The following TC2N variants were observed in gnomAD, a reference collection of about 807,000 sequenced individuals.
The protein encoded by TC2N is tandem C2 domains, nuclear.
TC2N carries 51 observed loss-of-function variants against 61.9 expected under a neutral mutation model. That is an observed-to-expected ratio of 0.82 (90% CI 0.66 to 1.04). The LOEUF is 1.04. Among genes scored for constraint, TC2N ranks in the 50% least tolerant of loss-of-function variants. TC2N has a pLI of 0.00. For synonymous variants in TC2N, 204 were observed against 192.6 expected (o/e 1.06, Z -0.49); for missense variants, 556 against 566.7 (o/e 0.98, Z 0.19).
chr14:91,794,367 GGAA>G (rs1885799214), intron 8 of TC2N, among the ~76,000 whole-genome samples: 1 of 152,198 alleles, frequency 6.6e-6, no homozygotes, highest in African/African-American at 2.4e-5. Flanking sequence ...GCCTTCTGTT[GGAA>G]GAAGATGCCA....
chr14:91,809,602 T>G (rs6575220), intron 3 of TC2N, among the ~76,000 whole-genome samples: 10,035 of 151,932 alleles, frequency 0.066, 996 homozygotes, highest in African/African-American at 0.21. Context: ...TGGCACAAAG[T>G]GAGTTATCTG....
intron 1 of TC2N, among the ~76,000 whole-genome samples, chr14:91,830,952 C>T (rs1887741995): frequency 6.6e-6 from 1 of 152,100 alleles, no homozygotes; most frequent in African/African-American, 2.4e-5. Flanking sequence ...CAGAATTAGC[C>T]TCTTAGCCTA....
At chr14:91,792,276 T>G in intron 9 of TC2N, 91 bp downstream of exon 9, 1 of 708,920 alleles carries the variant, frequency 1.4e-6, no homozygotes, top group Non-Finnish European at 2.2e-6. Flanking sequence ...TCCTCTAATA[T>G]TCTATTCAGG....
intron 3 of TC2N, among the ~76,000 whole-genome samples, chr14:91,808,122 C>CT (rs1886599782): frequency 6.6e-6 from 1 of 152,160 alleles, no homozygotes; most frequent in Non-Finnish European, 1.5e-5. Context: ...CATTAAACCT[C>CT]TTTTTCATCA....
At chr14:91,790,171 T>C (rs1885576894) in intron 9 of TC2N, among the ~76,000 whole-genome samples, 1 of 152,230 alleles carries the variant, frequency 6.6e-6, no homozygotes, top group Non-Finnish European at 1.5e-5. Context: ...CTGTAAATGC[T>C]AGCTATTTCT....
chr14:91,828,814 A>G (rs1887616737), intron 1 of TC2N, among the ~76,000 whole-genome samples: 1 of 151,892 alleles, frequency 6.6e-6, no homozygotes, highest in Non-Finnish European at 1.5e-5. Context: ...TTGACTTTTT[A>G]TTTTTAGTAA....
chr14:91,823,263 G>A (rs2139881640), intron 1 of TC2N, among the ~76,000 whole-genome samples: 1 of 152,058 alleles, frequency 6.6e-6, no homozygotes, highest in Non-Finnish European at 1.5e-5. Context: ...GCTCATGCCT[G>A]TAGTCCCAGC....
At chr14:91,860,332 A>C (rs1338747396) in intron 1 of TC2N, among the ~76,000 whole-genome samples, 1 of 64,406 alleles carries the variant, frequency 1.6e-5, no homozygotes, top group East Asian at 8.0e-4. Flanking sequence ...ATTTCCTTGC[A>C]AAAAAAAAAA....
intron 6 of TC2N, 38 bp from the exon 7 acceptor site, chr14:91,798,437 G>A (rs984127560): frequency 2.6e-5 from 29 of 1,118,524 alleles, no homozygotes; most frequent in Non-Finnish European, 3.7e-5. Context: ...CAAATGCCAT[G>A]CAATCCTTCT....
intron 1 of TC2N, among the ~76,000 whole-genome samples, chr14:91,816,322 A>T (rs1886999017): frequency 6.6e-6 from 1 of 151,804 alleles, no homozygotes; most frequent in African/African-American, 2.4e-5. Context: ...TGCCAGTGTG[A>T]TAGGAAAGAA....
intron 1 of TC2N, among the ~76,000 whole-genome samples, chr14:91,823,922 T>A (rs1355529844): frequency 6.6e-6 from 1 of 152,216 alleles, no homozygotes; most frequent in African/African-American, 2.4e-5. Flanking sequence ...AAAACACTTC[T>A]TAGGGCTATT....
At chr14:91,832,566 A>G (rs8003783) in intron 1 of TC2N, among the ~76,000 whole-genome samples, 10,034 of 152,224 alleles carry the variant, frequency 0.066, 994 homozygotes, top group African/African-American at 0.21. Flanking sequence ...AAAAGAAAAA[A>G]AATTCAGGTA....
chr14:91,817,142 CATAGTAT>C (rs1887042265), intron 1 of TC2N, among the ~76,000 whole-genome samples: 1 of 151,900 alleles, frequency 6.6e-6, no homozygotes, highest in South Asian at 2.1e-4. Flanking sequence ...CTACACAGAA[CATAGTAT>C]ATCTTTATAT....
chr14:91,855,063 G>A (rs1888456621), intron 1 of TC2N, among the ~76,000 whole-genome samples: 1 of 152,126 alleles, frequency 6.6e-6, no homozygotes, highest in Non-Finnish European at 1.5e-5. Context: ...TTGGAGTTTG[G>A]GGACTGTGTA....
chr14:91,801,840 AT>A (rs1455275266), intron 4 of TC2N, among the ~76,000 whole-genome samples: 1 of 152,244 alleles, frequency 6.6e-6, no homozygotes, highest in Admixed American at 6.5e-5. Context: ...TTGCAGAATG[AT>A]TAAATCTAGC....
intron 8 of TC2N, among the ~76,000 whole-genome samples, chr14:91,794,197 G>A (rs1454205987): frequency 6.6e-6 from 1 of 152,198 alleles, no homozygotes; most frequent in Non-Finnish European, 1.5e-5. Context: ...AAAGCTAGTA[G>A]AGGCTGGTTC....
rs1277507929 is a variant in TC2N, at chr14:91,837,203, T to G, written c.-56-23378A>C. Among the ~76,000 whole-genome samples the G allele has an allele frequency of 6.6e-6, 1 of 152,214 alleles. No homozygotes were observed. The highest frequency in any genetic ancestry group is 2.4e-5 in the African/African-American group (1 of 41,458). ...GAAATGAGTTTCCTAGACTGTCTGA[T>G]GAAGAATGGCTTAGCATTTTTTGTT... On this transcript the variant is annotated intron_variant, in intron 1 of 11. Coordinates refer to ENST00000435962, the MANE Select transcript of TC2N (RefSeq NM_001128596.3). This position sits in a 1 kb window ranked among gnomAD's most constrained non-coding sequence, Gnocchi z 4.2.
chr14:91,787,622 G>A lies in TC2N; in HGVS notation c.1053C>T (p.Cys351=). 6.3e-7 allele frequency: 1 copy of A among 1,584,606 alleles called. No individual in the cohort carries two copies. The change falls in exon 10 of 12, where the codon TGC becomes TGT. Residue 351 remains cysteine, a synonymous_variant. Transcript: ENST00000435962. ...AAGTCCCCAATTCAAGTTCTGCATG[G>A]CAAACCTGCATATCAAAAAAGTGTC... is the stretch of plus-strand genomic sequence containing the variant. ...DITPPSKISV[C]HAELELGTCF...
At chr14:91,802,155 C>A in intron 4 of TC2N, 99 bp downstream of exon 4, 2 of 1,091,802 alleles carry the variant, frequency 1.8e-6, no homozygotes, top group Non-Finnish European at 2.5e-6. Context: ...TTTTAAAATG[C>A]TTTTAATAGT....
Sources: gnomAD v4.1 joint callset for allele counts (sites outside exome capture counted in the v4.1 genomes callset) on GRCh38, gnomAD v4.1.1 for gene constraint, Gnocchi (gnomAD v3.1) non-coding constraint, MANE v1.5 for transcripts, NCBI Gene and HGNC (gene_info 2026-07-23, HGNC 2026-07-21) for gene names.